The following SPHKAP variants were observed in gnomAD, a reference collection of about 807,000 sequenced individuals.
SPHKAP encodes the protein A-kinase anchor protein SPHKAP.
In SPHKAP, 67 loss-of-function variants were observed where a neutral mutation model predicts 137.5. The ratio of observed to expected loss-of-function variants is 0.49; its 90% CI spans 0.40 to 0.60. The LOEUF (loss-of-function observed/expected upper bound fraction) is 0.60, where lower values mean the gene tolerates loss of function less well. Ranked by LOEUF, SPHKAP falls within the 20% of genes least tolerant of loss-of-function variation. SPHKAP has a pLI of 0.00. For synonymous variants in SPHKAP, 813 were observed against 785.3 expected, an observed-to-expected ratio of 1.04 and a Z score of -0.59; for missense variants, 2,097 against 2,069.3, an observed-to-expected ratio of 1.01 and a Z score of -0.26.
At chr2:228,115,863 A>G (rs924754441) in intron 2 of SPHKAP, among the ~76,000 whole-genome samples, 16 of 152,270 alleles carry the variant, frequency 1.1e-4, no homozygotes, top group East Asian at 3.9e-4. Flanking sequence ...CGAATCCCCA[A>G]TGTGTTAGCA....
chr2:228,016,118 T>C (rs1392104849), intron 7 of SPHKAP, among the ~76,000 whole-genome samples: 6 of 152,130 alleles, frequency 3.9e-5, no homozygotes, highest in Admixed American at 3.9e-4. Flanking sequence ...TAAGAAGAGA[T>C]TTACTTTCAA....
intron 3 of SPHKAP, among the ~76,000 whole-genome samples, chr2:228,038,629 A>C (rs1695725948): frequency 6.6e-6 from 1 of 152,214 alleles, no homozygotes; most frequent in African/African-American, 2.4e-5. Context: ...GTATTTTTAC[A>C]TAATTATCCT....
intron 3 of SPHKAP, among the ~76,000 whole-genome samples, chr2:228,084,134 A>G (rs1251868344): frequency 3.3e-5 from 5 of 152,062 alleles, no homozygotes; most frequent in African/African-American, 1.2e-4. Flanking sequence ...AATGATGCCT[A>G]CTAGAGGAGG....
At chr2:228,124,220 C>T (rs1311917529) in intron 2 of SPHKAP, among the ~76,000 whole-genome samples, 1 of 152,294 alleles carries the variant, frequency 6.6e-6, no homozygotes, top group African/African-American at 2.4e-5. Context: ...TTGACCCAGC[C>T]ATCCCATTAC....
intron 11 of SPHKAP, among the ~76,000 whole-genome samples, chr2:227,989,271 C>T (rs1345350404): frequency 2.6e-5 from 4 of 152,126 alleles, no homozygotes; most frequent in African/African-American, 2.4e-5. Context: ...ATGGAGAAAA[C>T]AGGGCACAGG....
intron 5 of SPHKAP, 135 bp downstream of exon 5, chr2:228,025,259 T>A: frequency 1.0e-6 from 1 of 972,384 alleles, no homozygotes; most frequent in Non-Finnish European, 1.4e-6. Flanking sequence ...AAATGCAGAC[T>A]TTTCTCAAAT....
intron 1 of SPHKAP, among the ~76,000 whole-genome samples, chr2:228,157,958 G>A (rs13421399): frequency 0.16 from 24,938 of 152,222 alleles, 2,311 homozygotes; most frequent in Middle Eastern, 0.21. Context: ...TTATTAGCCT[G>A]CTGTAGAATG....
In SPHKAP at chr2:228,018,527, T is replaced by C. The variant is rs976068063; in HGVS notation, c.2327A>G (p.Asn776Ser). 1.2e-6 allele frequency: 2 copies of C among 1,614,168 alleles called. No homozygotes were observed. The highest frequency in any genetic ancestry group is 1.7e-6 in the Non-Finnish European group (2 of 1,180,030). Reference protein sequence around the residue: ...TESSSSSPLSNSHNTSLVINN... With the variant: ...TESSSSSPLSSSHNTSLVINN... ...GATGACAAGACTCGTGTTGTGTGAA[T>C]TGCTAAGTGGAGAGCTGCTGGAGGA... The change falls in exon 7 of 12, where the codon AAT (asparagine) becomes AGT (serine). Residue 776 changes from asparagine (N) to serine (S), a missense_variant. Asn to Ser is a conservative substitution (Grantham distance 46, BLOSUM62 1). Coordinates refer to ENST00000392056, the MANE Select transcript of SPHKAP (RefSeq NM_001142644.2).
At chr2:228,120,110 G>T (rs1698859412) in intron 2 of SPHKAP, among the ~76,000 whole-genome samples, 1 of 152,122 alleles carries the variant, frequency 6.6e-6, no homozygotes, top group African/African-American at 2.4e-5. Context: ...GGTGTGATTA[G>T]TTAGAAGGGT....
At chr2:228,150,274 A>G (rs1251516753) in intron 1 of SPHKAP, among the ~76,000 whole-genome samples, 1 of 152,038 alleles carries the variant, frequency 6.6e-6, no homozygotes, top group African/African-American at 2.4e-5. Context: ...GACTTGCTAT[A>G]TTTCCTTTGT....
intron 11 of SPHKAP, 115 bp from the exon 12 acceptor site, chr2:227,981,975 T>G (rs760329957): frequency 1.4e-4 from 199 of 1,387,544 alleles, no homozygotes; most frequent in Non-Finnish European, 1.8e-4. Flanking sequence ...ATGTCTCTAG[T>G]GTCAGAGGAC....
At chr2:227,988,711 G>A (rs530636752) in intron 11 of SPHKAP, among the ~76,000 whole-genome samples, 1 of 152,316 alleles carries the variant, frequency 6.6e-6, no homozygotes, top group Admixed American at 6.5e-5. Flanking sequence ...ATGAGCCTGG[G>A]AATGTATTCC....
chr2:227,994,051 T>C (rs1408224848), intron 8 of SPHKAP: 1 of 985,218 alleles, frequency 1.0e-6, no homozygotes, highest in Non-Finnish European at 1.2e-6. Context: ...GGAACCAGTT[T>C]TGACAGAAAC....
intron 2 of SPHKAP, among the ~76,000 whole-genome samples, chr2:228,113,341 G>A (rs576490088): frequency 1.3e-5 from 2 of 152,138 alleles, no homozygotes; most frequent in South Asian, 4.2e-4. Context: ...AGGCTTGTGA[G>A]GTAAATTCTC....
chr2:228,032,897 C>A (rs568609523), intron 3 of SPHKAP, among the ~76,000 whole-genome samples: 27 of 152,230 alleles, frequency 1.8e-4, no homozygotes, highest in Admixed American at 5.9e-4. Context: ...TGGAAAGGAA[C>A]AACCGGTACC....
intron 1 of SPHKAP, among the ~76,000 whole-genome samples, chr2:228,170,779 T>C (rs1700562354): frequency 6.6e-6 from 1 of 152,176 alleles, no homozygotes; most frequent in African/African-American, 2.4e-5. Flanking sequence ...TGATATTTAC[T>C]TTATTGTATT....
At chr2:227,988,138 A>G (rs1693283105) in intron 11 of SPHKAP, among the ~76,000 whole-genome samples, 1 of 152,226 alleles carries the variant, frequency 6.6e-6, no homozygotes, top group South Asian at 2.1e-4. Flanking sequence ...CCCCAAAAGT[A>G]CTATTGATAA....
intron 3 of SPHKAP, among the ~76,000 whole-genome samples, chr2:228,035,670 G>T (rs1325700522): frequency 6.6e-6 from 1 of 152,134 alleles, no homozygotes; most frequent in African/African-American, 2.4e-5. Flanking sequence ...CATGGCACTG[G>T]TACCAAAACA....
In SPHKAP at chr2:228,019,599, C is replaced by A; in HGVS notation, c.1255G>T (p.Ala419Ser). Reference protein sequence around the residue: ...QSQSTLPQESAVSVSVGSSLL... With the variant: ...QSQSTLPQESSVSVSVGSSLL... ...GAACTTCCTACAGAAACACTGACTG[C>A]AGATTCCTGGGGTAATGTGGACTGA... The change falls in exon 7 of 12, where the codon GCA becomes TCA. Residue 419 changes from alanine to serine, a missense_variant. Ala to Ser is a moderately conservative substitution (Grantham distance 99). Transcript: ENST00000392056. 1.2e-6 allele frequency: 2 copies of A among 1,614,096 alleles called. No homozygotes were observed. The highest frequency in any genetic ancestry group is 1.7e-6 in the Non-Finnish European group (2 of 1,179,984).
Sources: allele counts gnomAD v4.1 joint callset (sites outside exome capture counted in the v4.1 genomes callset), GRCh38; gene constraint gnomAD v4.1.1; transcripts MANE v1.5; gene names NCBI Gene and HGNC (gene_info 2026-07-23, HGNC 2026-07-21).